The following SETD2 variants were observed in gnomAD, a reference collection of about 807,000 sequenced individuals.
SETD2 encodes SET domain containing 2, histone lysine methyltransferase.
SETD2 carries 31 observed loss-of-function variants against 242.1 expected under a neutral mutation model. The observed-to-expected ratio is 0.13, with a 90% CI of 0.10 to 0.17. SETD2 has a LOEUF of 0.17. Ranked by LOEUF, SETD2 falls within the 10% of genes least tolerant of loss-of-function variation. The pLI is 1.00. For missense variants in SETD2, 2,481 were observed against 3,046.3 expected (o/e 0.81, Z 4.37); for synonymous variants, 1,006 against 1,066.5 (o/e 0.94, Z 1.11).
chr3:47,140,353 T>A (rs1335711867), intron 1 of SETD2, among the ~76,000 whole-genome samples: 1 of 152,208 alleles, frequency 6.6e-6, no homozygotes, highest in Admixed American at 6.5e-5. Context: ...TGACCTAACC[T>A]GAACATTTTA....
Position 47,146,150 on chromosome 3 carries a change from G to A in SETD2, c.71+17704C>T, listed in dbSNP as rs969516401. 1.1e-4 allele frequency among the ~76,000 whole-genome samples: 17 copies of A among 151,492 alleles called. No individual in the cohort carries two copies. In the South Asian group the frequency reaches 1.3e-3, roughly 11 times the overall value. On this transcript the variant is annotated intron_variant, in intron 1 of 20. Coordinates refer to ENST00000409792, the MANE Select transcript of SETD2 (RefSeq NM_014159.7). ...TTGTACTCTCAAAATGTCAGCTGGA[G>A]AGGTACCACCCACAGTACAATATAT...
intron 18 of SETD2, among the ~76,000 whole-genome samples, chr3:47,031,188 C>A (rs899224987): frequency 6.6e-6 from 1 of 152,138 alleles, no homozygotes; most frequent in East Asian, 1.9e-4. Context: ...ATAGATGACA[C>A]GATACCTTTG....
rs538871720 is a variant in SETD2, at chr3:47,121,265, G to A, written c.3371C>T (p.Ala1124Val). 9.3e-6 allele frequency: 15 copies of A among 1,613,826 alleles called. No individual in the cohort carries two copies. The Admixed American group carries it at 2.3e-4, about 25-fold the overall frequency. The change falls in exon 3 of 21, where the codon GCC becomes GTC. Residue 1124 changes from alanine to valine, a missense_variant. Transcript: ENST00000409792. ...EEKFESIASK[A>V]CPQTDKFFLH... ...GAAAAACTTATCAGTTTGAGGACAG[G>A]CTTTACTTGCTATACTTTCAAATTT... is the stretch of plus-strand genomic sequence containing the variant.
intron 5 of SETD2, among the ~76,000 whole-genome samples, chr3:47,106,493 TA>T (rs766455577): frequency 3.8e-3 from 216 of 57,218 alleles, no homozygotes; most frequent in Non-Finnish European, 6.1e-3. Flanking sequence ...ATTTTTGCTC[TA>T]AAAAAAAAAA....
intron 3 of SETD2, among the ~76,000 whole-genome samples, chr3:47,119,142 T>A (rs376096596): frequency 6.6e-6 from 1 of 151,828 alleles, no homozygotes; most frequent in South Asian, 2.1e-4. Context: ...AAAAGGAGAG[T>A]AAGGGGGCAG....
In SETD2 at chr3:47,133,352, T is replaced by C. The variant is rs141603141; in HGVS notation, c.72-6689A>G. Among the ~76,000 whole-genome samples, 781 of 152,222 alleles carry C rather than the reference T, an allele frequency of 5.1e-3. 1 individual carries two copies. Among genetic ancestry groups the C allele is most frequent in the African/African-American group, 0.012 (496 of 41,536 alleles). ...TACAGGCATGAGCAACTGTACCCAG[T>C]GGAAATCTCTATTTTTTAAACCATT... On this transcript the variant is annotated intron_variant, in intron 1 of 20. Coordinates refer to ENST00000409792, the MANE Select transcript of SETD2 (RefSeq NM_014159.7).
chr3:47,028,462 A>G (rs1034647892), intron 18 of SETD2, among the ~76,000 whole-genome samples: 4 of 152,238 alleles, frequency 2.6e-5, no homozygotes, highest in Admixed American at 1.3e-4. Context: ...TGGAGATCCC[A>G]GACAGGTGAT....
At chr3:47,127,764 G>C (rs2043375454) in intron 1 of SETD2, among the ~76,000 whole-genome samples, 1 of 152,218 alleles carries the variant, frequency 6.6e-6, no homozygotes, top group South Asian at 2.1e-4. Context: ...GGGAGGCTGA[G>C]AATCACTTGA....
chr3:47,066,829 G>C (rs2040577906), intron 13 of SETD2, among the ~76,000 whole-genome samples: 1 of 151,940 alleles, frequency 6.6e-6, no homozygotes, highest in Non-Finnish European at 1.5e-5. Context: ...TAGAAAAAAA[G>C]CTAGTAAAGA....
At position 47,017,837 on chromosome 3, in the gene SETD2, C is replaced by T. The variant is rs1051181135; in HGVS notation, c.7432-98G>A. ...TAGAAAAGGTAGTGAGTAAAGCCAG[C>T]CAATCCTTCTCCTTTTCCTCCCTCA... is the stretch of plus-strand genomic sequence containing the variant. On this transcript the variant is annotated intron_variant, in intron 19 of 20. Coordinates refer to ENST00000409792, the MANE Select transcript of SETD2 (RefSeq NM_014159.7). This position sits in a 1 kb window ranked among gnomAD's most constrained non-coding sequence, Gnocchi z 4.8. The T allele has an allele frequency of 1.2e-6, 1 of 815,180 alleles. No homozygotes were observed. 50.5% of individuals were successfully genotyped at this position (815,180 alleles called of 1,614,324 possible).
At chr3:47,131,762 T>G (rs1286460806) in intron 1 of SETD2, among the ~76,000 whole-genome samples, 1 of 151,572 alleles carries the variant, frequency 6.6e-6, no homozygotes, top group Admixed American at 6.6e-5. Context: ...AGTTTGCATA[T>G]TCTTTTTTTT....
At chr3:47,028,486 C>A (rs1009426396) in intron 18 of SETD2, among the ~76,000 whole-genome samples, 3 of 152,094 alleles carry the variant, frequency 2.0e-5, no homozygotes, top group African/African-American at 7.2e-5. Flanking sequence ...TTAGGAGATA[C>A]CCTAGAGAAA....
chr3:47,114,497 A>G (rs2042778434), intron 4 of SETD2, among the ~76,000 whole-genome samples: 1 of 152,170 alleles, frequency 6.6e-6, no homozygotes. Flanking sequence ...CTCTTCTCCC[A>G]TGGATCCTAG....
intron 1 of SETD2, among the ~76,000 whole-genome samples, chr3:47,137,909 G>A (rs990659795): frequency 2.6e-5 from 4 of 151,538 alleles, no homozygotes; most frequent in Admixed American, 1.3e-4. Context: ...GGCTGGTCTC[G>A]AACTCCTGAC....
At chr3:47,049,152 T>C (rs540443906) in intron 15 of SETD2, among the ~76,000 whole-genome samples, 1 of 151,628 alleles carries the variant, frequency 6.6e-6, no homozygotes, top group Non-Finnish European at 1.5e-5. Context: ...CTATGTTGTC[T>C]AGGCTAGTCT....
At chr3:47,057,537 A>G in intron 14 of SETD2, 47 bp from the exon 15 acceptor site, 1 of 1,383,938 alleles carries the variant, frequency 7.2e-7, no homozygotes, top group Non-Finnish European at 1.0e-6. Flanking sequence ...TAAATCATAG[A>G]CACAATCAAA....
At chr3:47,138,316 C>T (rs998141534) in intron 1 of SETD2, 13 of 289,058 alleles carry the variant, frequency 4.5e-5, no homozygotes, top group Non-Finnish European at 8.7e-5. Context: ...GTCGCCCAGG[C>T]TGGAGTACAG....
chr3:47,031,038 A>G (rs950128418), intron 18 of SETD2, among the ~76,000 whole-genome samples: 2 of 152,264 alleles, frequency 1.3e-5, no homozygotes, highest in African/African-American at 4.8e-5. Flanking sequence ...TGGAAAAAGC[A>G]AAACTATGAA....
At chr3:47,094,243 C>T (rs2041919605) in intron 9 of SETD2, among the ~76,000 whole-genome samples, 1 of 152,134 alleles carries the variant, frequency 6.6e-6, no homozygotes, top group Admixed American at 6.5e-5. Flanking sequence ...ATTATACTTC[C>T]ATCAAGTAAG....
Sources: gnomAD v4.1 joint callset for allele counts (sites outside exome capture counted in the v4.1 genomes callset) on GRCh38, gnomAD v4.1.1 for gene constraint, Gnocchi (gnomAD v3.1) non-coding constraint, MANE v1.5 for transcripts, NCBI Gene and HGNC (gene_info 2026-07-23, HGNC 2026-07-21) for gene names.